The following DLGAP2 variants were observed in gnomAD, a reference collection of about 807,000 sequenced individuals.
The protein encoded by DLGAP2 is disks large-associated protein 2.
Under a neutral mutation model 100.3 loss-of-function variants are expected in DLGAP2, and 26 were observed. The observed-to-expected ratio is 0.26, with a 90% CI of 0.19 to 0.36. The LOEUF (loss-of-function observed/expected upper bound fraction) is 0.36, where lower values mean the gene tolerates loss of function less well. Among genes scored for constraint, DLGAP2 ranks in the 10% least tolerant of loss-of-function variants. The pLI, the probability that DLGAP2 is intolerant of heterozygous loss-of-function variation, is 1.00. For synonymous variants in DLGAP2, 886 were observed against 630.1 expected (o/e 1.41, Z -6.08); for missense variants, 1,858 against 1,453.2 (o/e 1.28, Z -4.53).
chr8:1,076,285 C>T (rs886708405), intron 2 of DLGAP2, among the ~76,000 whole-genome samples: 4 of 152,172 alleles, frequency 2.6e-5, no homozygotes, highest in African/African-American at 9.6e-5. Flanking sequence ...ATGGCATGAG[C>T]CCCCGCCGGC....
chr8:1,416,769 G>C (rs532459103), intron 3 of DLGAP2, among the ~76,000 whole-genome samples: 1 of 152,314 alleles, frequency 6.6e-6, no homozygotes, highest in South Asian at 2.1e-4. Flanking sequence ...CTTAAGAGGA[G>C]AGCCTGGGGG....
chr8:1,352,034 A>C (rs1214284592), intron 3 of DLGAP2, among the ~76,000 whole-genome samples: 40 of 57,004 alleles, frequency 7.0e-4, no homozygotes, highest in South Asian at 1.6e-3. Flanking sequence ...GTGTGTGGAA[A>C]GGCCGTGCGG....
chr8:1,353,957 A>G (rs1801791749), intron 3 of DLGAP2, among the ~76,000 whole-genome samples: 1 of 152,234 alleles, frequency 6.6e-6, no homozygotes, highest in Non-Finnish European at 1.5e-5. Context: ...GTCACTAGCT[A>G]TGAAGTAAGT....
At chr8:1,651,366 A>T (rs747593532) in intron 8 of DLGAP2, among the ~76,000 whole-genome samples, 4 of 152,140 alleles carry the variant, frequency 2.6e-5, no homozygotes, top group Non-Finnish European at 5.9e-5. Flanking sequence ...GGAAGTTCCA[A>T]ATCCCGAGGT....
chr8:1,625,326 A>C (rs1050146431), intron 6 of DLGAP2, among the ~76,000 whole-genome samples: 4 of 152,242 alleles, frequency 2.6e-5, no homozygotes, highest in African/African-American at 9.6e-5. Context: ...ATTGTCAATA[A>C]AACTGGAAAG....
chr8:993,792 T>G (rs1405437486), intron 2 of DLGAP2, among the ~76,000 whole-genome samples: 9 of 102,466 alleles, frequency 8.8e-5, no homozygotes, highest in Non-Finnish European at 1.9e-4. Flanking sequence ...ATTGGCTTTT[T>G]TTTTTTTTTT....
chr8:905,476 C>A (rs145492251), intron 1 of DLGAP2, among the ~76,000 whole-genome samples: 6 of 152,180 alleles, frequency 3.9e-5, no homozygotes, highest in African/African-American at 1.4e-4. Context: ...TTTTTCAAAT[C>A]GAACAGAGAC....
At chr8:1,565,512 A>G in intron 5 of DLGAP2, 171 bp from the exon 6 acceptor site, 1 of 577,148 alleles carries the variant, frequency 1.7e-6, no homozygotes, top group Non-Finnish European at 3.0e-6. Context: ...CAACATTTTT[A>G]TATTCATTTC....
At chr8:1,334,828 G>A (rs892230082) in intron 3 of DLGAP2, among the ~76,000 whole-genome samples, 1 of 151,894 alleles carries the variant, frequency 6.6e-6, no homozygotes, top group African/African-American at 2.4e-5. Context: ...GAAGAGACAC[G>A]AAATTGCCTC....
intron 1 of DLGAP2, among the ~76,000 whole-genome samples, chr8:788,265 G>C (rs187766162): frequency 7.0e-4 from 107 of 152,328 alleles, no homozygotes; most frequent in Middle Eastern, 3.4e-3. Flanking sequence ...GCTGTTTCTG[G>C]GGCATCGATA....
Position 1,633,983 on chromosome 8 carries a change from C to A in DLGAP2, c.1810+937C>A, listed in dbSNP as rs188305946. 3.8e-3 allele frequency among the ~76,000 whole-genome samples: 577 copies of A among 152,296 alleles called. 2 individuals are homozygous for A. The highest frequency in any genetic ancestry group is 0.013 in the African/African-American group (557 of 41,562). On this transcript the variant is annotated intron_variant, in intron 8 of 14. Transcript: ENST00000637795. ...GAATAGGTCTTGGTTTGTTTCAATG[C>A]TAAAGTGAACAAGAAATCCAGGAGA... is the stretch of plus-strand genomic sequence containing the variant.
At chr8:1,195,900 C>G (rs953578419) in intron 2 of DLGAP2, among the ~76,000 whole-genome samples, 1 of 152,196 alleles carries the variant, frequency 6.6e-6, no homozygotes, top group Non-Finnish European at 1.5e-5. Flanking sequence ...TTTAGCATTT[C>G]TAATTCTCCC....
At chr8:1,144,635 A>G (rs1796574928) in intron 2 of DLGAP2, among the ~76,000 whole-genome samples, 1 of 152,206 alleles carries the variant, frequency 6.6e-6, no homozygotes, top group Non-Finnish European at 1.5e-5. Context: ...GTCTAGGTAA[A>G]TATTAATCTC....
chr8:1,358,895 C>A (rs974723569), intron 3 of DLGAP2, among the ~76,000 whole-genome samples: 4 of 150,646 alleles, frequency 2.7e-5, no homozygotes, highest in Admixed American at 2.6e-4. Context: ...GGTCCAGAGA[C>A]TCGGGAATTC....
chr8:1,286,193 C>G (rs183812723), intron 3 of DLGAP2, among the ~76,000 whole-genome samples: 2 of 152,204 alleles, frequency 1.3e-5, no homozygotes, highest in East Asian at 1.9e-4. Context: ...AGGGGCGTCC[C>G]CCTTTGCTTG....
chr8:1,281,312 T>C (rs1451600356), intron 3 of DLGAP2, among the ~76,000 whole-genome samples: 1 of 152,142 alleles, frequency 6.6e-6, no homozygotes, highest in Non-Finnish European at 1.5e-5. Flanking sequence ...ATGGTGGAGG[T>C]GCCTCCGCCC....
At chr8:837,942 C>T (rs983849386) in intron 1 of DLGAP2, among the ~76,000 whole-genome samples, 1 of 147,072 alleles carries the variant, frequency 6.8e-6, no homozygotes, top group Non-Finnish European at 1.5e-5. Context: ...GCCATGTTGG[C>T]CAGGCTGCTC....
intron 2 of DLGAP2, among the ~76,000 whole-genome samples, chr8:1,042,783 G>GTGGTGGGTGTGGA (rs1203686386): frequency 7.2e-6 from 1 of 138,306 alleles, no homozygotes; most frequent in African/African-American, 2.7e-5. Context: ...ATGGATGTGG[G>GTGGTGGGTGTGGA]TGGTGGGTGT....
intron 8 of DLGAP2, among the ~76,000 whole-genome samples, chr8:1,663,790 A>G (rs1262637000): frequency 1.3e-5 from 2 of 152,190 alleles, no homozygotes; most frequent in Non-Finnish European, 2.9e-5. Flanking sequence ...GAGCAAAACA[A>G]GCGTTCCAGC....
Sources: gnomAD v4.1 joint callset for allele counts (sites outside exome capture counted in the v4.1 genomes callset) on GRCh38, gnomAD v4.1.1 for gene constraint, MANE v1.5 for transcripts, NCBI Gene and HGNC (gene_info 2026-07-23, HGNC 2026-07-21) for gene names.